Variants in SH3GLB2 observed in about 807,000 individuals in gnomAD.
The protein encoded by SH3GLB2 is endophilin-B2.
Under a neutral mutation model 48.0 loss-of-function variants are expected in SH3GLB2, and 24 were observed. The observed-to-expected ratio is 0.50, with a 90% CI of 0.36 to 0.70. The LOEUF is 0.70. Among genes scored for constraint, SH3GLB2 ranks in the 30% least tolerant of loss-of-function variants. The probability of loss-of-function intolerance (pLI) is 0.00; values close to 1 mark genes in which losing one functional copy is unlikely to be tolerated. For missense variants in SH3GLB2, 425 were observed against 516.0 expected, an observed-to-expected ratio of 0.82 and a Z score of 1.71; for synonymous variants, 227 against 207.6, an observed-to-expected ratio of 1.09 and a Z score of -0.80.
intron 1 of SH3GLB2, among the ~76,000 whole-genome samples, chr9:129,024,725 C>A (rs1348373603): frequency 6.7e-6 from 1 of 149,848 alleles, no homozygotes; most frequent in Non-Finnish European, 1.5e-5. Context: ...AAAAGAAAGA[C>A]TTTGGGAGGC....
chr9:129,024,546 G>A (rs144457451), intron 1 of SH3GLB2, among the ~76,000 whole-genome samples: 26 of 144,032 alleles, frequency 1.8e-4, no homozygotes, highest in South Asian at 1.1e-3. Context: ...CACAGAGTGC[G>A]ACTCAGTCTC....
At chr9:129,020,577 A>C (rs1222959041) in intron 3 of SH3GLB2, among the ~76,000 whole-genome samples, 1 of 151,448 alleles carries the variant, frequency 6.6e-6, no homozygotes, top group Non-Finnish European at 1.5e-5. Flanking sequence ...TCTCAAAAAA[A>C]AAAAAATAGG....
At chr9:129,015,338 A>G (rs748042194) in intron 3 of SH3GLB2, among the ~76,000 whole-genome samples, 4 of 152,212 alleles carry the variant, frequency 2.6e-5, no homozygotes, top group Non-Finnish European at 5.9e-5. Flanking sequence ...CTCTTTGAAA[A>G]TAAAACAAAT....
chr9:129,020,990 AT>A (rs1688004330), intron 3 of SH3GLB2, 100 bp downstream of exon 3: 1 of 1,228,524 alleles, frequency 8.1e-7, no homozygotes, highest in Middle Eastern at 3.0e-4. Context: ...TTCAGGTATT[AT>A]TTGTATAATT....
chr9:129,012,562 C>T (rs147238711), intron 5 of SH3GLB2: 31 of 421,416 alleles, frequency 7.4e-5, no homozygotes, highest in African/African-American at 4.7e-4. Flanking sequence ...AGGAGATGGC[C>T]GAGGCTGCCT....
chr9:129,010,277 G>A (rs1002980744), intron 7 of SH3GLB2, 68 bp from the exon 8 acceptor site: 1 of 1,389,478 alleles, frequency 7.2e-7, no homozygotes, highest in African/African-American at 1.4e-5. Flanking sequence ...TCTTCTCCTG[G>A]AGCCTACCTG....
Position 129,008,561 on chromosome 9 carries a change from G to T in SH3GLB2, c.*123C>A. The T allele has an allele frequency of 1.3e-6, 1 of 741,174 alleles. No homozygotes were observed. 45.9% of individuals were successfully genotyped at this position (741,174 alleles called of 1,614,324 possible). On this transcript the variant is annotated 3_prime_UTR_variant, in exon 11 of 11. Transcript: ENST00000372564. ...TCACAGCTAGGTGACTAGGGGCAGGGACAGAATGGGGTGAATTCTCCCCAC... is the reference window on the plus strand; with the variant it reads ...TCACAGCTAGGTGACTAGGGGCAGGTACAGAATGGGGTGAATTCTCCCCAC...
At position 129,014,606 on chromosome 9, in the gene SH3GLB2, G is replaced by A. The variant is rs1162340080; in HGVS notation, c.469-103C>T. 1.3e-6 allele frequency: 2 copies of A among 1,493,236 alleles called. No homozygotes were observed. The highest frequency in any genetic ancestry group is 1.8e-6 in the Non-Finnish European group (2 of 1,087,910). The allele number at this position is 1,493,236 out of a possible 1,614,324, so 92.5% of individuals were successfully genotyped here. On this transcript the variant is annotated intron_variant, in intron 4 of 10. Coordinates refer to ENST00000372564, the MANE Select transcript of SH3GLB2 (RefSeq NM_020145.4). The surrounding 1 kb of genome is among the most constrained non-coding windows in gnomAD (Gnocchi z 4.1). ...CCGGGGACGATCAAGTCAAGATAGG[G>A]AAACTGAGGCCCAGAGATAGGAGGT...
chr9:129,014,755 G>C lies in SH3GLB2; in HGVS notation c.468+16C>G, dbSNP rs375160798. 1.2e-6 allele frequency: 2 copies of C among 1,608,796 alleles called. No individual in the cohort carries two copies. The highest frequency in any genetic ancestry group is 4.5e-5 in the East Asian group (2 of 44,834). On this transcript the variant is annotated intron_variant, in intron 4 of 10. Transcript: ENST00000372564. The surrounding 1 kb of genome is among the most constrained non-coding windows in gnomAD (Gnocchi z 4.1). The stretch of plus-strand genomic sequence containing the variant: ...GCCATGGTTACCAGGAAGCGGAATA[G>C]TCCCAGGGCCCTCACCGAGATGGTC...
At chr9:129,025,606 T>TAAGGGAGGAAGGAAGGAAGGAAGG (rs1844106721) in intron 1 of SH3GLB2, among the ~76,000 whole-genome samples, 1 of 37,730 alleles carries the variant, frequency 2.7e-5, no homozygotes, top group Non-Finnish European at 5.5e-5. Flanking sequence ...AGAGAGGGAC[T>TAAGGGAGGAAGGAAGGAAGGAAGG]AAGGGAGGAA....
intron 2 of SH3GLB2, 111 bp downstream of exon 2, chr9:129,022,171 T>C: frequency 6.8e-7 from 1 of 1,475,858 alleles, no homozygotes; most frequent in Admixed American, 2.2e-5. Context: ...AGAGTCTAGC[T>C]GAAACCCCGG....
At position 129,014,398 on chromosome 9, in the gene SH3GLB2, C is replaced by T. The variant is rs202117839; in HGVS notation, c.561+13G>A. The T allele has an allele frequency of 1.5e-4, 239 of 1,549,044 alleles. 1 individual carries two copies. The East Asian group carries it at 2.8e-3, about 18-fold the overall frequency. On this transcript the variant is annotated intron_variant, in intron 5 of 10. Transcript: ENST00000372564. The surrounding 1 kb of genome is among the most constrained non-coding windows in gnomAD (Gnocchi z 4.1). ...CCTGGGCCAGGAGGCCAGCGGGGAGCGGGGACACCTACCGTGGCTTTGGCT... is the reference window on the plus strand; with the variant it reads ...CCTGGGCCAGGAGGCCAGCGGGGAGTGGGGACACCTACCGTGGCTTTGGCT...
chr9:129,012,452 C>T (rs1049436178), intron 5 of SH3GLB2, 154 bp from the exon 6 acceptor site: 3 of 422,432 alleles, frequency 7.1e-6, no homozygotes, highest in South Asian at 1.1e-4. Context: ...CCCCTTCTCC[C>T]GACTCCAACC....
intron 7 of SH3GLB2, chr9:129,010,417 G>A (rs999443422): frequency 1.6e-6 from 1 of 639,292 alleles, no homozygotes. Flanking sequence ...TGCAGTGACA[G>A]ACCCTTCCTC....
intron 6 of SH3GLB2, chr9:129,010,970 G>C: frequency 2.0e-6 from 1 of 509,204 alleles, no homozygotes; most frequent in Non-Finnish European, 3.5e-6. Context: ...CTCTGAGTGG[G>C]GTCTCAAGAG....
chr9:129,012,529 A>G, intron 5 of SH3GLB2: 3 of 417,896 alleles, frequency 7.2e-6, no homozygotes, highest in Non-Finnish European at 8.4e-6. Flanking sequence ...CAGGCACTGG[A>G]GCTCAGGAGA....
chr9:129,010,345 C>T, intron 7 of SH3GLB2, 136 bp from the exon 8 acceptor site: 1 of 735,324 alleles, frequency 1.4e-6, no homozygotes, highest in South Asian at 1.8e-5. Flanking sequence ...CTATGCCTGA[C>T]TTCACACCTG....
At position 129,011,952 on chromosome 9, in the gene SH3GLB2, G is replaced by A. The variant is rs931465770; in HGVS notation, c.624+284C>T. ...GGGCCCTGGGGATGGGACAGCTGCC[G>A]CCCTGAGTTCTCCACACTACTCAGT... On this transcript the variant is annotated intron_variant, in intron 6 of 10. Transcript: ENST00000372564. The surrounding 1 kb of genome is among the most constrained non-coding windows in gnomAD (Gnocchi z 4.5). 3 of 361,036 alleles carry A rather than the reference G, an allele frequency of 8.3e-6. No homozygotes were observed. Among genetic ancestry groups the A allele is most frequent in the South Asian group, 3.0e-4 (2 of 6,724 alleles). 22.4% of individuals were successfully genotyped at this position (361,036 alleles called of 1,614,324 possible).
In SH3GLB2 at chr9:129,007,681, G is replaced by C. The variant is rs199898085; in HGVS notation, c.*1003C>G. 3 of 152,236 alleles carry C rather than the reference G, an allele frequency of 2.0e-5. No homozygotes were observed. Among genetic ancestry groups the C allele is most frequent in the Non-Finnish European group, 4.4e-5 (3 of 68,070 alleles). 9.4% of individuals were successfully genotyped at this position (152,236 alleles called of 1,614,324 possible). A position where few individuals can be genotyped will look rare whatever the true frequency, so the allele number is the denominator to read the frequency against. ...GACGGCATGAGAACCCATGGCACGGGGGCACATGCTGGGTGAAACGCCCGA... is the reference window on the plus strand; with the variant it reads ...GACGGCATGAGAACCCATGGCACGGCGGCACATGCTGGGTGAAACGCCCGA... On this transcript the variant is annotated 3_prime_UTR_variant, in exon 11 of 11. Transcript: ENST00000372564.
Sources: gnomAD v4.1 joint callset for allele counts (sites outside exome capture counted in the v4.1 genomes callset) on GRCh38, gnomAD v4.1.1 for gene constraint, Gnocchi (gnomAD v3.1) non-coding constraint, MANE v1.5 for transcripts, NCBI Gene and HGNC (gene_info 2026-07-23, HGNC 2026-07-21) for gene names.